NFATC2: variants seen among roughly 807,000 people sequenced by gnomAD.
NFATC2 encodes nuclear factor of activated T cells 2.
In NFATC2, 22 loss-of-function variants were observed where a neutral mutation model predicts 87.3. The ratio of observed to expected loss-of-function variants is 0.25; its 90% CI spans 0.18 to 0.36. The LOEUF (loss-of-function observed/expected upper bound fraction) is 0.36, where lower values mean the gene tolerates loss of function less well. Among genes scored for constraint, NFATC2 ranks in the 10% least tolerant of loss-of-function variants. The probability of loss-of-function intolerance (pLI) is 1.00; values close to 1 mark genes in which losing one functional copy is unlikely to be tolerated. For synonymous variants in NFATC2, 565 were observed against 542.2 expected (o/e 1.04, Z -0.58); for missense variants, 1,149 against 1,259.1 (o/e 0.91, Z 1.32).
At chr20:51,460,288 T>G (rs535728275) in intron 5 of NFATC2, among the ~76,000 whole-genome samples, 20 of 152,320 alleles carry the variant, frequency 1.3e-4, no homozygotes, top group Non-Finnish European at 2.4e-4. Context: ...TGCTCTTGGT[T>G]AAGGCTATAG....
At chr20:51,412,459 G>A (rs1432538353) in intron 9 of NFATC2, among the ~76,000 whole-genome samples, 1 of 152,214 alleles carries the variant, frequency 6.6e-6, no homozygotes, top group Admixed American at 6.5e-5. Flanking sequence ...GGGTGGGCAG[G>A]AGCAGGGAGT....
At position 51,432,425 on chromosome 20, in the gene NFATC2, G is replaced by A. The variant is rs148294281; in HGVS notation, c.2364C>T (p.Ala788=). The A allele has an allele frequency of 3.3e-4, 526 of 1,589,528 alleles. 2 individuals are homozygous for A. The highest frequency in any genetic ancestry group is 4.1e-4 in the South Asian group (36 of 87,450). Residue 788 remains alanine, a synonymous_variant, in exon 9 of 11, where the codon GCC becomes GCT. Coordinates refer to ENST00000371564, the MANE Select transcript of NFATC2 (RefSeq NM_012340.5). The surrounding 1 kb of genome is among the most constrained non-coding windows in gnomAD (Gnocchi z 4.6). ...GGGCTGAGCTCTGGCCCTGGGAGCC[G>A]GCGTGCACCAGCACAGAGCGGTGAG... is the stretch of plus-strand genomic sequence containing the variant. ...ADAHRSVLVH[A]GSQGQSSALL...
At chr20:51,419,999 G>T (rs1980637518) in intron 9 of NFATC2, among the ~76,000 whole-genome samples, 1 of 117,178 alleles carries the variant, frequency 8.5e-6, no homozygotes, top group Admixed American at 9.0e-5. Context: ...AAATTCATGA[G>T]TTCATAATGG....
chr20:51,429,693 G>C (rs1982406362), intron 9 of NFATC2, among the ~76,000 whole-genome samples: 1 of 152,178 alleles, frequency 6.6e-6, no homozygotes, highest in African/African-American at 2.4e-5. Flanking sequence ...CCGCTAGCAG[G>C]ATAAAGACTC....
chr20:51,444,738 T>C (rs1002201247), intron 6 of NFATC2, among the ~76,000 whole-genome samples: 1 of 152,200 alleles, frequency 6.6e-6, no homozygotes, highest in Non-Finnish European at 1.5e-5. Context: ...GTTGAAGTCA[T>C]TTCAGTCTGC....
At chr20:51,474,971 ATT>A (rs370019272) in intron 4 of NFATC2, among the ~76,000 whole-genome samples, 13 of 141,242 alleles carry the variant, frequency 9.2e-5, no homozygotes, top group East Asian at 2.1e-4. Context: ...TACTTTATTT[ATT>A]TTTTTTTTTT....
chr20:51,499,030 G>T (rs1420209007), intron 3 of NFATC2, among the ~76,000 whole-genome samples: 1 of 152,158 alleles, frequency 6.6e-6, no homozygotes, highest in Non-Finnish European at 1.5e-5. Flanking sequence ...GGAATGGAGT[G>T]AGGGAGTGAG....
At chr20:51,466,852 G>A (rs1204202607) in intron 5 of NFATC2, among the ~76,000 whole-genome samples, 5 of 152,066 alleles carry the variant, frequency 3.3e-5, no homozygotes, top group Admixed American at 6.6e-5. Context: ...CGGGCAGATC[G>A]CCTGAGGTCA....
chr20:51,491,168 T>C (rs1200813293), intron 3 of NFATC2, among the ~76,000 whole-genome samples: 4 of 152,172 alleles, frequency 2.6e-5, no homozygotes, highest in Non-Finnish European at 5.9e-5. Flanking sequence ...AATCATCTCC[T>C]GGCTCCAGGG....
intron 9 of NFATC2, among the ~76,000 whole-genome samples, chr20:51,411,458 T>TA (rs1391861895): frequency 6.7e-6 from 1 of 148,740 alleles, no homozygotes; most frequent in African/African-American, 2.5e-5. Flanking sequence ...ACACACAGTA[T>TA]AACTACACCT....
Position 51,542,384 on chromosome 20 carries a change from A to G in NFATC2, c.116T>C (p.Leu39Ser). The G allele has an allele frequency of 6.2e-7, 1 of 1,607,704 alleles. No homozygotes were observed. Residue 39 changes from leucine to serine, a missense_variant, in exon 1 of 11, where the codon TTG becomes TCG. Transcript: ENST00000371564. ...CCTCCACCGACCTTCGTTCGGATTC[A>G]AATACTCATAGTCGAAGAGGATGGA... is the stretch of plus-strand genomic sequence containing the variant. Reference protein sequence around the residue: ...DFSILFDYEYLNPNEEEPNAH... With the variant: ...DFSILFDYEYSNPNEEEPNAH...
At chr20:51,461,830 G>A (rs1010289983) in intron 5 of NFATC2, among the ~76,000 whole-genome samples, 4 of 152,230 alleles carry the variant, frequency 2.6e-5, no homozygotes, top group Admixed American at 6.5e-5. Context: ...AATAACAGCG[G>A]ACAGGCTGGG....
At position 51,398,739 on chromosome 20, in the gene NFATC2, G is replaced by T; in HGVS notation, c.2723-9C>A. 1 of 1,589,382 alleles carries T rather than the reference G, an allele frequency of 6.3e-7. No individual in the cohort carries two copies. The highest frequency in any genetic ancestry group is 1.7e-5 in the Admixed American group (1 of 59,392). On this transcript the variant is annotated splice_polypyrimidine_tract_variant and intron_variant, in intron 9 of 10. Transcript: ENST00000371564. ...GTGTGTGTCTATCAGCTCTGAAAAA[G>T]ATTTGCAAAATCATTTTTGAGAAGA...
intron 10 of NFATC2, among the ~76,000 whole-genome samples, chr20:51,398,421 G>A (rs924267612): frequency 1.3e-5 from 2 of 151,998 alleles, no homozygotes; most frequent in Admixed American, 6.5e-5. Flanking sequence ...AAGTTAATGG[G>A]GCCTCATCCC....
rs1985877868 is a variant in NFATC2 at position 51,387,384 on chromosome 20, C to T, written c.*4112G>A. ...CAGGGAGTTTATTCTGGTCAGCCAA[C>T]AGCTGCATAAAGGTAGAATGTTAAT... On this transcript the variant is annotated 3_prime_UTR_variant, in exon 11 of 11. Transcript: ENST00000371564. The T allele has an allele frequency of 6.6e-6, 1 of 152,230 alleles. No homozygotes were observed. Among genetic ancestry groups the T allele is most frequent in the African/African-American group, 2.4e-5 (1 of 41,456 alleles). The allele number at this position is 152,230 out of a possible 1,614,324, so 9.4% of individuals were successfully genotyped here.
At chr20:51,397,531 T>A (rs1987354040) in intron 10 of NFATC2, among the ~76,000 whole-genome samples, 1 of 152,112 alleles carries the variant, frequency 6.6e-6, no homozygotes, top group Non-Finnish European at 1.5e-5. Context: ...TTCGACAAGT[T>A]CCCTGGGGGG....
intron 1 of NFATC2, among the ~76,000 whole-genome samples, chr20:51,529,419 ATAAT>A (rs1467848159): frequency 2.0e-5 from 3 of 152,160 alleles, no homozygotes; most frequent in Non-Finnish European, 4.4e-5. Context: ...GAATATGAAG[ATAAT>A]TAATAATCAT....
At chr20:51,501,321 AG>A (rs1357784028) in intron 3 of NFATC2, among the ~76,000 whole-genome samples, 13 of 152,182 alleles carry the variant, frequency 8.5e-5, no homozygotes, top group African/African-American at 3.1e-4. Context: ...CTGGGTTATG[AG>A]TTGGGGACCT....
chr20:51,432,427 C>T lies in NFATC2; in HGVS notation c.2362G>A (p.Ala788Thr), dbSNP rs780254214. ...ADAHRSVLVH[A>T]GSQGQSSALL... ...GCTGAGCTCTGGCCCTGGGAGCCGG[C>T]GTGCACCAGCACAGAGCGGTGAGCG... The change falls in exon 9 of 11, where the codon GCC (alanine) becomes ACC (threonine). Residue 788 changes from alanine (A) to threonine (T), a missense_variant. By Grantham distance (58) the Ala-to-Thr change is moderately conservative (BLOSUM62 0). Transcript: ENST00000371564. This position sits in a 1 kb window ranked among gnomAD's most constrained non-coding sequence, Gnocchi z 4.6. 7 of 1,588,110 alleles carry T rather than the reference C, an allele frequency of 4.4e-6. No homozygotes were observed. The highest frequency in any genetic ancestry group is 2.2e-5 in the East Asian group (1 of 44,576).
Sources: allele counts gnomAD v4.1 joint callset (sites outside exome capture counted in the v4.1 genomes callset), GRCh38; gene constraint gnomAD v4.1.1; non-coding constraint Gnocchi (gnomAD v3.1); transcripts MANE v1.5; gene names NCBI Gene and HGNC (gene_info 2026-07-23, HGNC 2026-07-21).